Variants in DBNDD2 observed in about 807,000 individuals in gnomAD.
The protein encoded by DBNDD2 is dysbindin domain-containing protein 2.
A neutral mutation model predicts 14.0 loss-of-function variants in DBNDD2; 8 were observed. The ratio of observed to expected loss-of-function variants is 0.57; its 90% confidence interval spans 0.33 to 1.03. The LOEUF (loss-of-function observed/expected upper bound fraction) is 1.03, where lower values mean the gene tolerates loss of function less well. Ranked by LOEUF, DBNDD2 falls within the 50% of genes least tolerant of loss-of-function variation. DBNDD2 has a pLI of 0.03. For synonymous variants in DBNDD2, 94 were observed against 85.3 expected (o/e 1.10, Z -0.56); for missense variants, 194 against 206.0 (o/e 0.94, Z 0.36).
chr20:45,408,168 A>C, upstream of DBNDD2: 1 of 1,547,174 alleles, frequency 6.5e-7, no homozygotes, highest in Non-Finnish European at 8.7e-7. Flanking sequence ...TGATATGGAG[A>C]GTTGGGCATT....
chr20:45,406,803 C>G, upstream of DBNDD2: 1 of 1,241,794 alleles, frequency 8.1e-7, no homozygotes, highest in Non-Finnish European at 1.0e-6. Flanking sequence ...ACGAGGGGAA[C>G]GGCCTTGGGG....
Position 45,408,923 on chromosome 20 carries a change from A to AC in DBNDD2, c.268dup (p.Gln90ProfsTer25). 9 of 1,613,640 alleles carry AC rather than the reference A, an allele frequency of 5.6e-6. No homozygotes were observed. The highest frequency in any genetic ancestry group is 7.6e-6 in the Non-Finnish European group (9 of 1,179,940). On this transcript the variant is annotated frameshift_variant, in exon 2 of 3. Transcript: ENST00000372710. LOFTEE classifies it high-confidence loss of function. ...CTTGCCTTGCGAAGATCCTCCACCA[A>AC]CCCCCCAGTCGTCTGGTATGCCCCT...
At chr20:45,407,265 C>G (rs1989489553), upstream of DBNDD2, 1 of 970,594 alleles carries the variant, frequency 1.0e-6, no homozygotes, top group Non-Finnish European at 1.2e-6. Context: ...GCGTCAGCGC[C>G]TCGCTCCTCC....
In DBNDD2 at chr20:45,410,247, G is replaced by C. The variant is rs1286515092; in HGVS notation, c.*107G>C. On this transcript the variant is annotated 3_prime_UTR_variant, in exon 3 of 3. Coordinates refer to ENST00000372710, the MANE Select transcript of DBNDD2 (RefSeq NM_001048225.4). ...AGACCAGACTCTTTACTTGCAGTAGGCACCAGAGGTGGGAAGGATGGTGGG... is the reference window on the plus strand; with the variant it reads ...AGACCAGACTCTTTACTTGCAGTAGCCACCAGAGGTGGGAAGGATGGTGGG... 5 of 1,203,756 alleles carry C rather than the reference G, an allele frequency of 4.2e-6. No homozygotes were observed. The South Asian group carries it at 7.1e-5, about 17-fold the overall frequency. 74.6% of individuals were successfully genotyped at this position (1,203,756 alleles called of 1,614,324 possible).
At chr20:45,408,157 A>G, upstream of DBNDD2, 2 of 1,543,114 alleles carry the variant, frequency 1.3e-6, no homozygotes, top group Non-Finnish European at 1.8e-6. Context: ...TCAGGAGGGC[A>G]TGATATGGAG....
At chr20:45,408,974 C>T (rs1383211517) in intron 2 of DBNDD2, 36 bp downstream of exon 2, 1 of 1,614,134 alleles carries the variant, frequency 6.2e-7, no homozygotes. Flanking sequence ...CAGTGCCAGT[C>T]AGCCAGAGCC....
Position 45,408,524 on chromosome 20 carries a change from G to C in DBNDD2, c.57G>C (p.Arg19=). ...GCCAGCAGCTCCGCCTTCGGGAGCG[G>C]CAAAAATTCTTCGAGGACATTTTAC... ...LERQQLRLRE[R]QKFFEDILQP... Residue 19 remains arginine (R), a synonymous_variant, in exon 1 of 3, where the codon CGG becomes CGC. Coordinates refer to ENST00000372710, the MANE Select transcript of DBNDD2 (RefSeq NM_001048225.4). The C allele has an allele frequency of 6.2e-7, 1 of 1,614,240 alleles. No homozygotes were observed. The highest frequency in any genetic ancestry group is 1.3e-5 in the African/African-American group (1 of 75,062).
Position 45,410,290 on chromosome 20 carries a change from G to C in DBNDD2, c.*150G>C. The C allele has an allele frequency of 1.1e-6, 1 of 872,056 alleles. No homozygotes were observed. Among genetic ancestry groups the C allele is most frequent in the Non-Finnish European group, 1.7e-6 (1 of 580,458 alleles). 54.0% of individuals were successfully genotyped at this position (872,056 alleles called of 1,614,324 possible). A position where few individuals can be genotyped will look rare whatever the true frequency, so the allele number is the denominator to read the frequency against. ...ATGGTGGGATTGTGTACCTTTCTAA[G>C]AATTAACCCTCTCCTGCTTTACTGC... On this transcript the variant is annotated 3_prime_UTR_variant, in exon 3 of 3. Transcript: ENST00000372710.
chr20:45,407,327 G>A, upstream of DBNDD2: 1 of 985,766 alleles, frequency 1.0e-6, no homozygotes, highest in African/African-American at 1.7e-5. Flanking sequence ...GCCCTGCCTT[G>A]GCCAGTCGGG....
Position 45,408,911 on chromosome 20 carries a change from G to T in DBNDD2, c.250G>T (p.Asp84Tyr), listed in dbSNP as rs780883290. Reference protein sequence around the residue: ...DAADVFLPCEDPPPTPQSSGM... With the variant: ...DAADVFLPCEYPPPTPQSSGM... ...AGCAGATGTGTTCTTGCCTTGCGAA[G>T]ATCCTCCACCAACCCCCCAGTCGTC... is the stretch of plus-strand genomic sequence containing the variant. Residue 84 changes from aspartate (D) to tyrosine (Y), a missense_variant, in exon 2 of 3, where the codon GAT becomes TAT. Asp to Tyr is a radical substitution (Grantham distance 160). Transcript: ENST00000372710. The T allele has an allele frequency of 6.2e-7, 1 of 1,614,176 alleles. No individual in the cohort carries two copies. Among genetic ancestry groups the T allele is most frequent in the East Asian group, 2.2e-5 (1 of 44,886 alleles).
At chr20:45,406,660 G>GCTCGCTCCCACGCCCCCGCCGCGGC, upstream of DBNDD2, 3 of 1,347,854 alleles carry the variant, frequency 2.2e-6, no homozygotes, top group Non-Finnish European at 2.9e-6. Flanking sequence ...GGCCGGCGCG[G>GCTCGCTCCCACGCCCCCGCCGCGGC]CTCGCTCCCA....
At chr20:45,407,411 T>G, upstream of DBNDD2, 2 of 985,724 alleles carry the variant, frequency 2.0e-6, no homozygotes, top group Non-Finnish European at 2.4e-6. Flanking sequence ...GCAGATGAGG[T>G]GGGGAAGGCA....
upstream of DBNDD2, chr20:45,406,829 G>A: frequency 8.3e-7 from 1 of 1,211,640 alleles, no homozygotes; most frequent in South Asian, 3.9e-5. Flanking sequence ...CCCTCCCCCC[G>A]TCCTCCGCCG....
At chr20:45,407,280 C>G, upstream of DBNDD2, 1 of 983,616 alleles carries the variant, frequency 1.0e-6, no homozygotes, top group Non-Finnish European at 1.2e-6. Context: ...TCCTCCGCCG[C>G]CAGCCCGCGG....
Position 45,408,292 on chromosome 20 carries a change from C to T in DBNDD2, c.-176C>T. 4 of 1,561,754 alleles carry T rather than the reference C, an allele frequency of 2.6e-6. No individual in the cohort carries two copies. Among genetic ancestry groups the T allele is most frequent in the Non-Finnish European group, 3.5e-6 (4 of 1,152,788 alleles). On this transcript the variant is annotated 5_prime_UTR_variant, in exon 1 of 3. Transcript: ENST00000372710. ...CATGAGACTTGGTTTGTGGGACACA[C>T]TTGGTTTCAGGGAAGGGGAAAGAGG...
upstream of DBNDD2, chr20:45,406,570 T>TCCG: frequency 6.8e-7 from 1 of 1,479,524 alleles, no homozygotes; most frequent in Non-Finnish European, 9.0e-7. Flanking sequence ...CTCCCCCACT[T>TCCG]CCGCCTCCCG....
rs1368946647 is a variant in DBNDD2 at position 45,408,487 on chromosome 20, C to A, written c.20C>A (p.Ala7Asp). The A allele has an allele frequency of 6.2e-7, 1 of 1,614,160 alleles. No homozygotes were observed. The highest frequency in any genetic ancestry group is 1.7e-5 in the Admixed American group (1 of 60,016). ...GCTGACATGGACCCAAATCCTCGGG[C>A]CGCCCTGGAGCGCCAGCAGCTCCGC... MDPNPR[A>D]ALERQQLRLR... is the part of the protein sequence containing the mutation. The change falls in exon 1 of 3, where the codon GCC becomes GAC. Residue 7 changes from alanine to aspartate, a missense_variant. Ala to Asp is a moderately radical substitution (Grantham distance 126). Transcript: ENST00000372710.
At chr20:45,406,326 G>C (rs1051887507), upstream of DBNDD2, 3 of 857,582 alleles carry the variant, frequency 3.5e-6, no homozygotes, top group Non-Finnish European at 5.1e-6. Context: ...GAACCGGCGC[G>C]GGCGCCCGCC....
At chr20:45,407,584 C>T (rs1008585174), upstream of DBNDD2, 33 of 986,950 alleles carry the variant, frequency 3.3e-5, no homozygotes, top group Non-Finnish European at 4.0e-5. Flanking sequence ...GCTTCTCAGC[C>T]CTAGGGGTCA....
Sources: allele counts gnomAD v4.1 joint callset, GRCh38; gene constraint gnomAD v4.1.1; transcripts MANE v1.5; gene names NCBI Gene and HGNC (gene_info 2026-07-23, HGNC 2026-07-21).